GBA2: variants seen among roughly 807,000 people sequenced by gnomAD.
GBA2 encodes the protein glucosylceramidase beta 2.
Under a neutral mutation model 112.9 loss-of-function variants are expected in GBA2, and 79 were observed. The observed-to-expected ratio is 0.70, with a 90% CI of 0.58 to 0.84. GBA2 has a LOEUF of 0.84. Ranked by LOEUF, GBA2 falls within the 40% of genes least tolerant of loss-of-function variation. The pLI is 0.00. For missense variants in GBA2, 1,043 were observed against 1,190.0 expected, an observed-to-expected ratio of 0.88 and a Z score of 1.82; for synonymous variants, 403 against 434.3, an observed-to-expected ratio of 0.93 and a Z score of 0.90.
chr9:35,741,461 ATT>A lies in GBA2; in HGVS notation c.786+209_786+210del. 4.2e-5 allele frequency: 19 copies of A among 449,816 alleles called. No individual in the cohort carries two copies. The highest frequency in any genetic ancestry group is 5.6e-5 in the Non-Finnish European group (14 of 248,566). 27.9% of individuals were successfully genotyped at this position (449,816 alleles called of 1,614,324 possible). A position where few individuals can be genotyped will look rare whatever the true frequency, so the allele number is the denominator to read the frequency against. ...AGGTGCCTGCCACAACGCCCAGCTA[ATT>A]TTTTTTTTTGTATTTTTAGTAGATA... is the stretch of plus-strand genomic sequence containing the variant. On this transcript the variant is annotated intron_variant, in intron 4 of 16. Transcript: ENST00000378103. This position sits in a 1 kb window ranked among gnomAD's most constrained non-coding sequence, Gnocchi z 4.6.
chr9:35,748,632 C>A lies in GBA2; in HGVS notation c.73G>T (p.Asp25Tyr). 2 of 1,613,312 alleles carry A rather than the reference C, an allele frequency of 1.2e-6. No individual in the cohort carries two copies. Among genetic ancestry groups the A allele is most frequent in the Non-Finnish European group, 1.7e-6 (2 of 1,179,416 alleles). Residue 25 changes from aspartate to tyrosine, a missense_variant, in exon 1 of 17, where the codon GAT (aspartate) becomes TAT (tyrosine). By Grantham distance (160) the Asp-to-Tyr change is radical (BLOSUM62 -3). Transcript: ENST00000378103. ...ASEQISCAKE[D>Y]PQVYCPEETG... ...TCTTCAGGGCAATAAACTTGTGGATCCTCTTTGGCACAGCTTATCTGCTCC... is the reference window on the plus strand; with the variant it reads ...TCTTCAGGGCAATAAACTTGTGGATACTCTTTGGCACAGCTTATCTGCTCC...
At chr9:35,742,451 A>G (rs983444221) in intron 3 of GBA2, among the ~76,000 whole-genome samples, 5 of 152,214 alleles carry the variant, frequency 3.3e-5, no homozygotes, top group African/African-American at 9.6e-5. Flanking sequence ...TTCAAAGCCT[A>G]GGTCAAAAGC....
At position 35,748,539 on chromosome 9, in the gene GBA2, C is replaced by T; in HGVS notation, c.166G>A (p.Glu56Lys). ...KSPEDSRPPK[E>K]TDCCNPEDSG... is the part of the protein sequence containing the mutation. ...TCCTCCGGATTGCAGCAGTCCGTCT[C>T]TTTTGGGGGTCGGCTGTCTTCGGGA... The change falls in exon 1 of 17, where the codon GAG becomes AAG. Residue 56 changes from glutamate to lysine, a missense_variant. Glu to Lys is a moderately conservative substitution (Grantham distance 56, BLOSUM62 1). Coordinates refer to ENST00000378103, the MANE Select transcript of GBA2 (RefSeq NM_020944.3). The T allele has an allele frequency of 6.2e-7, 1 of 1,614,218 alleles. No homozygotes were observed. The highest frequency in any genetic ancestry group is 8.5e-7 in the Non-Finnish European group (1 of 1,180,028).
In GBA2 at chr9:35,748,473, C is replaced by G. The variant is rs1485841403; in HGVS notation, c.232G>C (p.Gly78Arg). ...LMVSYEGKAM[G>R]YQVPPFGWRI... ...CAGCCAAAGGGAGGCACCTGGTAGCCCATAGCTTTACCCTCATAGGAAACC... is the reference window on the plus strand; with the variant it reads ...CAGCCAAAGGGAGGCACCTGGTAGCGCATAGCTTTACCCTCATAGGAAACC... Residue 78 changes from glycine to arginine, a missense_variant, in exon 1 of 17, where the codon GGC becomes CGC. Gly to Arg is a moderately radical substitution (Grantham distance 125, BLOSUM62 -2). Transcript: ENST00000378103. The G allele has an allele frequency of 6.2e-7, 1 of 1,614,110 alleles. No homozygotes were observed. The highest frequency in any genetic ancestry group is 1.1e-5 in the South Asian group (1 of 91,086).
chr9:35,741,195 G>A lies in GBA2; in HGVS notation c.787-131C>T. ...CAGTGTACTCTTCTTTTGTCCACTT[G>A]CATCTCCCCATATTCCCAGGCAAGC... On this transcript the variant is annotated intron_variant, in intron 4 of 16. Coordinates refer to ENST00000378103, the MANE Select transcript of GBA2 (RefSeq NM_020944.3). The surrounding 1 kb of genome is among the most constrained non-coding windows in gnomAD (Gnocchi z 4.6). The A allele has an allele frequency of 1.0e-6, 1 of 964,952 alleles. No individual in the cohort carries two copies. The highest frequency in any genetic ancestry group is 1.5e-6 in the Non-Finnish European group (1 of 653,956). 59.8% of individuals were successfully genotyped at this position (964,952 alleles called of 1,614,324 possible).
At chr9:35,739,441 A>G (rs1240371452) in intron 9 of GBA2, 22 bp from the exon 10 acceptor site, 4 of 1,532,384 alleles carry the variant, frequency 2.6e-6, no homozygotes, top group African/African-American at 2.7e-5. Context: ...AATGAGACAC[A>G]CTGTTGCCAG....
rs376708731 is a variant in GBA2, at chr9:35,740,051, G to A, written c.1356C>T (p.Tyr452=). The change falls in exon 8 of 17, where the codon TAC becomes TAT. Residue 452 remains tyrosine, a synonymous_variant. Coordinates refer to ENST00000378103, the MANE Select transcript of GBA2 (RefSeq NM_020944.3). The surrounding 1 kb of genome is among the most constrained non-coding windows in gnomAD (Gnocchi z 4.7). The part of the protein sequence containing the change: ...PALSHYALCR[Y]AEWEERISAW... The stretch of plus-strand genomic sequence containing the variant: ...CTGAGATCCTCTCTTCCCACTCTGC[G>A]TATCGGCACAGTGCATAGTGGCTGA... 46 of 1,613,800 alleles carry A rather than the reference G, an allele frequency of 2.9e-5. No homozygotes were observed. The highest frequency in any genetic ancestry group is 2.0e-4 in the African/African-American group (15 of 74,886).
At position 35,739,080 on chromosome 9, in the gene GBA2, G is replaced by A. The variant is rs752951773; in HGVS notation, c.1717C>T (p.Arg573Trp). Residue 573 changes from arginine to tryptophan, a missense_variant, in exon 11 of 17, where the codon CGG becomes TGG. By Grantham distance (101) the Arg-to-Trp change is moderately radical. Transcript: ENST00000378103. Reference sequence around the variant, plus strand: ...ACCCCACTCATCAGGTACCGTCGCCGTGTCAGGTCCTCCCTGAGAGTGGCC... The same window carrying A: ...ACCCCACTCATCAGGTACCGTCGCCATGTCAGGTCCTCCCTGAGAGTGGCC... ...ALATLREDLT[R>W]RRYLMSGVMA... 21 of 1,610,614 alleles carry A rather than the reference G, an allele frequency of 1.3e-5. No homozygotes were observed. Among genetic ancestry groups the A allele is most frequent in the Middle Eastern group, 1.6e-4 (1 of 6,064 alleles).
rs779940766 is a variant in GBA2 at position 35,740,852 on chromosome 9, G to A, written c.999C>T (p.Tyr333=). The A allele has an allele frequency of 6.2e-7, 1 of 1,614,156 alleles. No homozygotes were observed. The highest frequency in any genetic ancestry group is 8.5e-7 in the Non-Finnish European group (1 of 1,180,000). Reference sequence around the variant, plus strand: ...TGACTCGTGCAGCCACAGCCATCGTGTAGGGGTTTGGAAGGGTTGGATGAT... The same window carrying A: ...TGACTCGTGCAGCCACAGCCATCGTATAGGGGTTTGGAAGGGTTGGATGAT... ...LLHHPTLPNP[Y]TMAVAARVTA... Residue 333 remains tyrosine (Y), a synonymous_variant, in exon 5 of 17, where the codon TAC becomes TAT. Transcript: ENST00000378103. This position sits in a 1 kb window ranked among gnomAD's most constrained non-coding sequence, Gnocchi z 4.7.
Position 35,739,875 on chromosome 9 carries a change from G to A in GBA2, c.1410-75C>T, listed in dbSNP as rs558173907. ...ATGGAAAGGATTTGGGGGTTCAGCA[G>A]AGTGGGATCATCAAATGAATCCCAG... On this transcript the variant is annotated intron_variant, in intron 8 of 16. Transcript: ENST00000378103. The A allele has an allele frequency of 1.1e-5, 17 of 1,557,442 alleles. No individual in the cohort carries two copies. In the African/African-American group the frequency reaches 2.3e-4, roughly 21 times the overall value.
intron 10 of GBA2, 88 bp downstream of exon 10, chr9:35,739,227 A>G: frequency 1.9e-6 from 2 of 1,060,476 alleles, no homozygotes; most frequent in East Asian, 2.4e-5. Context: ...TATGAAGGGA[A>G]GGGAAAGAAG....
intron 1 of GBA2, 130 bp downstream of exon 1, chr9:35,748,216 G>T: frequency 1.6e-6 from 1 of 635,986 alleles, no homozygotes. Context: ...CCTAAAATAT[G>T]CCAGGGATAG....
chr9:35,744,597 A>T lies in GBA2; in HGVS notation c.451+18T>A. Reference sequence around the variant, plus strand: ...GCTAGGCCTTCTCTGAGCAGAGCAGAGATGGGGTGGGGCTCACCATAAATC... The same window carrying T: ...GCTAGGCCTTCTCTGAGCAGAGCAGTGATGGGGTGGGGCTCACCATAAATC... On this transcript the variant is annotated intron_variant, in intron 2 of 16. Transcript: ENST00000378103. 1 of 1,484,454 alleles carries T rather than the reference A, an allele frequency of 6.7e-7. No individual in the cohort carries two copies. Among genetic ancestry groups the T allele is most frequent in the Non-Finnish European group, 9.4e-7 (1 of 1,061,588 alleles). The allele number at this position is 1,484,454 out of a possible 1,614,324, so 92.0% of individuals were successfully genotyped here. A position where few individuals can be genotyped will look rare whatever the true frequency, so the allele number is the denominator to read the frequency against.
In GBA2 at chr9:35,739,704, T is replaced by A. The variant is rs774713200; in HGVS notation, c.1506A>T (p.Leu502=). 4 of 1,613,866 alleles carry A rather than the reference T, an allele frequency of 2.5e-6. No individual in the cohort carries two copies. The highest frequency in any genetic ancestry group is 3.4e-6 in the Non-Finnish European group (4 of 1,179,778). ...TVWLEVLEDS[L]PEELGRNMCH... ...ACATGTTTCTGCCCAGCTCCTCTGG[T>A]AGGGAGTCCTCAAGAACTTCCAGCC... The change falls in exon 9 of 17, where the codon CTA becomes CTT. Residue 502 remains leucine, a synonymous_variant. Transcript: ENST00000378103.
chr9:35,738,183 C>T (rs557098380), intron 14 of GBA2, 31 bp from the exon 15 acceptor site: 1 of 1,613,522 alleles, frequency 6.2e-7, no homozygotes, highest in African/African-American at 1.3e-5. Flanking sequence ...AATAAGGCTC[C>T]TGGTGTCCTC....
At position 35,740,284 on chromosome 9, in the gene GBA2, T is replaced by C. The variant is rs372718939; in HGVS notation, c.1208A>G (p.Gln403Arg). 8 of 1,613,982 alleles carry C rather than the reference T, an allele frequency of 5.0e-6. No individual in the cohort carries two copies. The highest frequency in any genetic ancestry group is 1.7e-5 in the Admixed American group (1 of 60,000). ...CVSSKLRPRG[Q>R]CRLEFSLAWD... ...AGCCAGTGAAAACTCCAGGCGGCAC[T>C]GGCCTCGAGGTCGCAACTTGCTGGA... Residue 403 changes from glutamine (Q) to arginine (R), a missense_variant, in exon 7 of 17, where the codon CAG becomes CGG. Gln to Arg is a conservative substitution (Grantham distance 43, BLOSUM62 1). Coordinates refer to ENST00000378103, the MANE Select transcript of GBA2 (RefSeq NM_020944.3). This position sits in a 1 kb window ranked among gnomAD's most constrained non-coding sequence, Gnocchi z 4.7.
intron 11 of GBA2, 34 bp from the exon 12 acceptor site, chr9:35,738,937 TTGG>T (rs1298187519): frequency 1.9e-6 from 3 of 1,612,764 alleles, no homozygotes; most frequent in Non-Finnish European, 2.5e-6. Context: ...GTCACTTGCA[TTGG>T]TGGATAGGGT....
In GBA2 at chr9:35,738,110, C is replaced by A. The variant is rs62637647; in HGVS notation, c.2240G>T (p.Arg747Leu). The change falls in exon 15 of 17, where the codon CGT (arginine) becomes CTT (leucine). Residue 747 changes from arginine (R) to leucine (L), a missense_variant. Physicochemically the swap from Arg to Leu is moderately radical, Grantham distance 102. Transcript: ENST00000378103. ...AGCACACTGGTCAGACATAACACTA[C>A]GAGACTGAGGCCGAGAGCTGCTGTC... ...NYDSSSRPQSRSVMSDQCAGQ... is the reference protein window; with the variant it reads ...NYDSSSRPQSLSVMSDQCAGQ... 7 of 1,613,906 alleles carry A rather than the reference C, an allele frequency of 4.3e-6. No homozygotes were observed. Among genetic ancestry groups the A allele is most frequent in the East Asian group, 4.5e-5 (2 of 44,892 alleles).
In GBA2 at chr9:35,739,964, C is replaced by T. The variant is rs774030741; in HGVS notation, c.1409+34G>A. On this transcript the variant is annotated intron_variant, in intron 8 of 16. Coordinates refer to ENST00000378103, the MANE Select transcript of GBA2 (RefSeq NM_020944.3). ...AGGAGTCCCATTTGGAGTGAGTGCCCAGGAGAAAGGCAAGAAATGGGCCCC... is the reference window on the plus strand; with the variant it reads ...AGGAGTCCCATTTGGAGTGAGTGCCTAGGAGAAAGGCAAGAAATGGGCCCC... 1.2e-5 allele frequency: 20 copies of T among 1,612,300 alleles called. 1 individual carries two copies. The East Asian group carries it at 4.5e-4, about 36-fold the overall frequency.
Sources: gnomAD v4.1 joint callset for allele counts (sites outside exome capture counted in the v4.1 genomes callset) on GRCh38, gnomAD v4.1.1 for gene constraint, Gnocchi (gnomAD v3.1) non-coding constraint, MANE v1.5 for transcripts, NCBI Gene and HGNC (gene_info 2026-07-23, HGNC 2026-07-21) for gene names.